The following VWF variants were observed in gnomAD, a reference collection of about 807,000 sequenced individuals.
The protein encoded by VWF is von Willebrand factor, also known as Factor VIII related antigen.
In VWF, 176 loss-of-function variants were observed where a neutral mutation model predicts 308.6. The ratio of observed to expected loss-of-function variants is 0.57; its 90% confidence interval spans 0.50 to 0.65. VWF has a LOEUF of 0.65. Ranked by LOEUF, VWF falls within the 30% of genes least tolerant of loss-of-function variation. The pLI, the probability that VWF is intolerant of heterozygous loss-of-function variation, is 0.00. For synonymous variants in VWF, 1,385 were observed against 1,443.4 expected (o/e 0.96, Z 0.92); for missense variants, 3,146 against 3,648.2 (o/e 0.86, Z 3.55).
chr12:6,107,669 TA>T (rs893427502), intron 5 of VWF, among the ~76,000 whole-genome samples: 2 of 147,342 alleles, frequency 1.4e-5, no homozygotes, highest in East Asian at 1.9e-4. Context: ...TATATATATA[TA>T]TTTTTTGAGA....
intron 22 of VWF, among the ~76,000 whole-genome samples, chr12:6,027,849 T>TACACACAC (rs138442170): frequency 0.013 from 1,681 of 131,234 alleles, 18 homozygotes; most frequent in South Asian, 0.045. Flanking sequence ...GGAAGACACA[T>TACACACAC]ACACACACAC....
chr12:6,072,546 G>T, intron 8 of VWF, 104 bp from the exon 9 acceptor site: 1 of 950,144 alleles, frequency 1.1e-6, no homozygotes, highest in East Asian at 2.5e-5. Context: ...CTTCCAGGAA[G>T]CTCAAAGAAC....
chr12:6,029,252 T>C (rs1944229878), intron 22 of VWF, 90 bp downstream of exon 22: 2 of 1,572,980 alleles, frequency 1.3e-6, no homozygotes, highest in Non-Finnish European at 1.7e-6. Flanking sequence ...CCTGGATTCA[T>C]AAAGCAAGTC....
At chr12:6,124,328 G>A (rs1310767408) in intron 1 of VWF, 93 bp downstream of exon 1, 1 of 152,392 alleles carries the variant, frequency 6.6e-6, no homozygotes, top group Non-Finnish European at 1.5e-5. Context: ...TTCTAGTCCA[G>A]CGACAGAGAA....
chr12:6,043,950 G>A (rs73034876), intron 18 of VWF, among the ~76,000 whole-genome samples: 6 of 152,250 alleles, frequency 3.9e-5, no homozygotes, highest in African/African-American at 7.2e-5. Flanking sequence ...CATGGAAGGC[G>A]GCCCCTGGGA....
chr12:6,118,784 A>T (rs1289541772), intron 3 of VWF, among the ~76,000 whole-genome samples: 1 of 152,154 alleles, frequency 6.6e-6, no homozygotes, highest in East Asian at 1.9e-4. Context: ...GTGATTTATA[A>T]AATGGGAAAA....
At chr12:6,116,317 A>C (rs1945366182) in intron 3 of VWF, among the ~76,000 whole-genome samples, 1 of 152,206 alleles carries the variant, frequency 6.6e-6, no homozygotes. Flanking sequence ...TAGCCCACAT[A>C]TTAGAGTGAG....
rs57950734 is a variant in VWF at position 6,036,483 on chromosome 12, A to T, written c.2451T>A (p.His817Gln). ...GCLCPPGMVRHENRCVALERC... is the reference protein window; with the variant it reads ...GCLCPPGMVRQENRCVALERC... ...TTTCCAGGGCCACACATCTGTTCTC[A>T]TGCCGGACCTAAGAGAAAAGAATCC... The change falls in exon 19 of 52, where the codon CAT becomes CAA. Residue 817 changes from histidine (H) to glutamine (Q), a missense_variant. This residue lies in a region of VWF where 1,304 missense variants were observed against 1,353.0 expected (regional missense o/e 0.96). Transcript: ENST00000261405. 9,774 of 1,613,052 alleles carry T rather than the reference A, an allele frequency of 6.1e-3. 488 individuals are homozygous for T. In the African/African-American group the frequency reaches 0.11, roughly 19 times the overall value.
In VWF at chr12:6,110,529, T is replaced by TAC; in HGVS notation, c.375_376dup (p.Tyr126CysfsTer50). The TAC allele has an allele frequency of 6.2e-7, 1 of 1,614,202 alleles. No individual in the cohort carries two copies. Among genetic ancestry groups the TAC allele is most frequent in the East Asian group, 2.2e-5 (1 of 44,890 alleles). ...ATAGGCCTCACCGGACAGCTTGTAG[T>TAC]ACCCAGCCTCAGTTTCTAGATACAG... On this transcript the variant is annotated frameshift_variant, in exon 5 of 52. Transcript: ENST00000261405. LOFTEE classifies it high-confidence loss of function.
chr12:5,964,290 A>ACATACATGCATG (rs1565811260), intron 47 of VWF, among the ~76,000 whole-genome samples: 4 of 151,586 alleles, frequency 2.6e-5, no homozygotes, highest in African/African-American at 9.7e-5. Flanking sequence ...ATACATGCAT[A>ACATACATGCATG]CATACATACA....
chr12:5,963,612 G>A (rs1439958520), intron 47 of VWF, among the ~76,000 whole-genome samples: 2 of 152,140 alleles, frequency 1.3e-5, no homozygotes, highest in Non-Finnish European at 2.9e-5. Context: ...CCAGCATCTG[G>A]CCCCTACTTG....
chr12:6,057,934 G>GTCC lies in VWF; in HGVS notation c.1641_1643dup (p.Glu547dup). 6.2e-7 allele frequency: 1 copy of GTCC among 1,613,722 alleles called. No individual in the cohort carries two copies. The highest frequency in any genetic ancestry group is 8.5e-7 in the Non-Finnish European group (1 of 1,180,004). ...CGTGCAGCTTCCAGGCGTTCCCGAA[G>GTCC]TCCTCCACCCGGGGCTCCGCCAGCC... On this transcript the variant is annotated inframe_insertion, in exon 14 of 52. Coordinates refer to ENST00000261405, the MANE Select transcript of VWF (RefSeq NM_000552.5).
intron 20 of VWF, among the ~76,000 whole-genome samples, chr12:6,033,020 CCACA>C (rs1240871203): frequency 2.6e-5 from 4 of 151,072 alleles, no homozygotes; most frequent in South Asian, 2.1e-4. Context: ...ATGCATACAC[CCACA>C]CAGACATGCT....
chr12:5,985,027 C>T lies in VWF; in HGVS notation c.6976+18G>A, dbSNP rs773035005. ...CTAGGGTTGGGCCCTGGAGACATCC[C>T]CCTGGTGGGACACATACCACACTCA... On this transcript the variant is annotated intron_variant, in intron 40 of 51. Coordinates refer to ENST00000261405, the MANE Select transcript of VWF (RefSeq NM_000552.5). The T allele has an allele frequency of 6.2e-7, 1 of 1,613,842 alleles. No individual in the cohort carries two copies. Among genetic ancestry groups the T allele is most frequent in the Non-Finnish European group, 8.5e-7 (1 of 1,179,736 alleles).
intron 3 of VWF, among the ~76,000 whole-genome samples, chr12:6,111,897 G>A (rs1945311990): frequency 6.6e-6 from 1 of 151,998 alleles, no homozygotes; most frequent in African/African-American, 2.4e-5. Flanking sequence ...GGCGGAGCTT[G>A]CAGTGAGCGG....
intron 48 of VWF, 104 bp from the exon 49 acceptor site, chr12:5,952,623 A>G (rs1943204604): frequency 4.8e-6 from 7 of 1,458,952 alleles, no homozygotes; most frequent in Non-Finnish European, 6.5e-6. Context: ...CAATCTGCAG[A>G]ACCATGAAAC....
chr12:6,001,716 A>G (rs541151369), intron 34 of VWF, among the ~76,000 whole-genome samples: 1 of 152,306 alleles, frequency 6.6e-6, no homozygotes, highest in East Asian at 1.9e-4. Flanking sequence ...ACTATAGAAG[A>G]CAAACATTAA....
At chr12:6,120,956 TGAA>T (rs1191409959) in intron 3 of VWF, among the ~76,000 whole-genome samples, 5 of 152,190 alleles carry the variant, frequency 3.3e-5, no homozygotes, top group Non-Finnish European at 5.9e-5. Flanking sequence ...CTACCAAAGA[TGAA>T]GACTCTCTTC....
chr12:6,012,719 T>G (rs905138114), intron 32 of VWF, among the ~76,000 whole-genome samples: 2 of 141,870 alleles, frequency 1.4e-5, no homozygotes, highest in African/African-American at 5.6e-5. Flanking sequence ...TTTTTTTTTT[T>G]GAGATGGAGT....
Sources: allele counts gnomAD v4.1 joint callset (sites outside exome capture counted in the v4.1 genomes callset), GRCh38; gene constraint gnomAD v4.1.1; regional missense constraint gnomAD v4.1.1; transcripts MANE v1.5; gene names NCBI Gene and HGNC (gene_info 2026-07-23, HGNC 2026-07-21).